Variants in EPHB1 observed in about 807,000 individuals in gnomAD.
The protein encoded by EPHB1 is EPH receptor B1, also known as ephrin type-B receptor 1.
In EPHB1, 30 loss-of-function variants were observed where a neutral mutation model predicts 94.4. The ratio of observed to expected loss-of-function variants is 0.32; its 90% CI spans 0.24 to 0.43. The LOEUF (loss-of-function observed/expected upper bound fraction) is 0.43, where lower values mean the gene tolerates loss of function less well. Among genes scored for constraint, EPHB1 ranks in the 20% least tolerant of loss-of-function variants. EPHB1 has a pLI of 1.00. For missense variants in EPHB1, 1,055 were observed against 1,308.3 expected, an observed-to-expected ratio of 0.81 and a Z score of 2.99; for synonymous variants, 522 against 489.1, an observed-to-expected ratio of 1.07 and a Z score of -0.89.
At chr3:134,928,116 T>A (rs548234001) in intron 2 of EPHB1, among the ~76,000 whole-genome samples, 17 of 152,244 alleles carry the variant, frequency 1.1e-4, no homozygotes, top group Non-Finnish European at 1.9e-4. Context: ...GGTCTCAACA[T>A]GGCCAAGCAG....
In EPHB1 at chr3:135,009,804, A is replaced by G. The variant is rs142588408; in HGVS notation, c.805+57752A>G. 8.2e-3 allele frequency among the ~76,000 whole-genome samples: 1,251 copies of G among 152,336 alleles called. 20 individuals are homozygous for G. The highest frequency in any genetic ancestry group is 0.029 in the African/African-American group (1,190 of 41,572). ...GAATCTGAGTACTACTTAGAGCATTATTTAAATCTGTTCTGTTATGTAAAA... is the reference window on the plus strand; with the variant it reads ...GAATCTGAGTACTACTTAGAGCATTGTTTAAATCTGTTCTGTTATGTAAAA... On this transcript the variant is annotated intron_variant, in intron 3 of 15. Transcript: ENST00000398015.
intron 3 of EPHB1, among the ~76,000 whole-genome samples, chr3:135,016,115 G>C (rs1387915985): frequency 6.6e-6 from 1 of 152,228 alleles, no homozygotes; most frequent in Non-Finnish European, 1.5e-5. Context: ...TAAAGGTGGG[G>C]ATGAGTTTGG....
chr3:135,064,547 T>C (rs1937556581), intron 3 of EPHB1, among the ~76,000 whole-genome samples: 1 of 150,200 alleles, frequency 6.7e-6, no homozygotes, highest in Non-Finnish European at 1.5e-5. Flanking sequence ...TTGTAACATC[T>C]CTTGTTTCAT....
chr3:135,050,164 A>G (rs944411012), intron 3 of EPHB1, among the ~76,000 whole-genome samples: 9 of 152,266 alleles, frequency 5.9e-5, no homozygotes, highest in Non-Finnish European at 1.2e-4. Flanking sequence ...GCATGTATAC[A>G]TGACTAATAT....
At chr3:135,036,565 A>G (rs1936655403) in intron 3 of EPHB1, among the ~76,000 whole-genome samples, 1 of 152,122 alleles carries the variant, frequency 6.6e-6, no homozygotes, top group Admixed American at 6.5e-5. Flanking sequence ...CTTCTACATT[A>G]ACTTCACCCT....
At chr3:135,120,734 C>T (rs1383292720) in intron 4 of EPHB1, among the ~76,000 whole-genome samples, 1 of 152,230 alleles carries the variant, frequency 6.6e-6, no homozygotes, top group Non-Finnish European at 1.5e-5. Context: ...TCTTTTACAG[C>T]TGCGTAAGCC....
chr3:135,249,545 C>G (rs71336013), intron 15 of EPHB1, 54 bp downstream of exon 15: 3 of 1,568,316 alleles, frequency 1.9e-6, no homozygotes, highest in African/African-American at 1.3e-5. Context: ...AGTGCTCCTT[C>G]CCTGCTATTG....
chr3:135,059,214 GA>G (rs1005834325), intron 3 of EPHB1, among the ~76,000 whole-genome samples: 1 of 152,200 alleles, frequency 6.6e-6, no homozygotes, highest in Non-Finnish European at 1.5e-5. Context: ...TTCTGAAGTA[GA>G]AAAAATTTTA....
chr3:135,159,791 G>A (rs111656017), intron 6 of EPHB1, among the ~76,000 whole-genome samples: 52 of 152,228 alleles, frequency 3.4e-4, no homozygotes, highest in African/African-American at 8.4e-4. Flanking sequence ...AGCTGACCTG[G>A]GACCTGTGGT....
intron 3 of EPHB1, among the ~76,000 whole-genome samples, chr3:135,020,598 C>G (rs1286358023): frequency 1.3e-5 from 2 of 152,220 alleles, no homozygotes; most frequent in Non-Finnish European, 2.9e-5. Flanking sequence ...CTCAATACCT[C>G]AATTTGCCAT....
chr3:135,135,803 G>A (rs2107688535), intron 5 of EPHB1, among the ~76,000 whole-genome samples: 1 of 152,334 alleles, frequency 6.6e-6, no homozygotes. Flanking sequence ...TGTGTTTATT[G>A]AATGCGTACT....
rs1409677873 is a variant in EPHB1 at position 135,052,917 on chromosome 3, G to A, written c.806-53531G>A. Among the ~76,000 whole-genome samples the A allele has an allele frequency of 2.0e-3, 208 of 106,186 alleles. 4 individuals are homozygous for A. The East Asian group carries it at 0.021, about 11-fold the overall frequency. 69.7% of individuals were successfully genotyped at this position (106,186 alleles called of 152,430 possible). On this transcript the variant is annotated intron_variant, in intron 3 of 15. Transcript: ENST00000398015. ...TATATATATATATATATATGTGTGT[G>A]TGTGTGTGTGTGTGTATATATGTGT...
chr3:135,016,947 G>A (rs1176199791), intron 3 of EPHB1, among the ~76,000 whole-genome samples: 1 of 152,142 alleles, frequency 6.6e-6, no homozygotes, highest in Non-Finnish European at 1.5e-5. Context: ...ACCCCAAACA[G>A]CTCCCTTCCC....
chr3:135,235,612 CAAAT>C (rs1436671706), intron 12 of EPHB1, among the ~76,000 whole-genome samples: 1 of 152,116 alleles, frequency 6.6e-6, no homozygotes, highest in Non-Finnish European at 1.5e-5. Context: ...AACAAGCAAA[CAAAT>C]AAACTTTCCC....
At chr3:134,978,433 C>A (rs1324576862) in intron 3 of EPHB1, among the ~76,000 whole-genome samples, 1 of 152,234 alleles carries the variant, frequency 6.6e-6, no homozygotes, top group Admixed American at 6.5e-5. Context: ...ATTTAGCAAT[C>A]TGCCCCCACC....
intron 1 of EPHB1, among the ~76,000 whole-genome samples, chr3:134,923,016 A>C (rs1029372766): frequency 5.9e-5 from 9 of 152,028 alleles, no homozygotes; most frequent in African/African-American, 2.2e-4. Flanking sequence ...GTATTATGTA[A>C]ATTTGGTGTG....
intron 10 of EPHB1, among the ~76,000 whole-genome samples, chr3:135,188,564 C>T (rs2107708379): frequency 6.6e-6 from 1 of 152,330 alleles, no homozygotes; most frequent in Middle Eastern, 3.4e-3. Flanking sequence ...TTACAAAGCA[C>T]TTTCTCCTAG....
chr3:135,091,295 A>G (rs1234086832), intron 3 of EPHB1, among the ~76,000 whole-genome samples: 1 of 152,214 alleles, frequency 6.6e-6, no homozygotes, highest in Non-Finnish European at 1.5e-5. Context: ...CAGGTGGAGC[A>G]GACATTGGCA....
Position 135,249,367 on chromosome 3 carries a change from C to G in EPHB1, c.2722C>G (p.Pro908Ala). The change falls in exon 15 of 16, where the codon CCA becomes GCA. Residue 908 changes from proline to alanine, a missense_variant. Coordinates refer to ENST00000398015, the MANE Select transcript of EPHB1 (RefSeq NM_004441.5). ...CCAGCCCCTGCTCGACCGCTCCATC[C>G]CAGACTTCACGGCCTTTACCACCGT... is the stretch of plus-strand genomic sequence containing the variant. ...PSQPLLDRSI[P>A]DFTAFTTVDD... 6.2e-7 allele frequency: 1 copy of G among 1,613,800 alleles called. No individual in the cohort carries two copies. The highest frequency in any genetic ancestry group is 8.5e-7 in the Non-Finnish European group (1 of 1,179,814).
Sources: allele counts gnomAD v4.1 joint callset (sites outside exome capture counted in the v4.1 genomes callset), GRCh38; gene constraint gnomAD v4.1.1; transcripts MANE v1.5; gene names NCBI Gene and HGNC (gene_info 2026-07-23, HGNC 2026-07-21).